The following ASCC1 variants were observed in gnomAD, a reference collection of about 807,000 sequenced individuals.
ASCC1 encodes the protein ASC-1 complex subunit P50.
A neutral mutation model predicts 46.6 loss-of-function variants in ASCC1; 35 were observed. The observed-to-expected ratio is 0.75, with a 90% CI of 0.57 to 0.99. The LOEUF is 0.99. ASCC1 is among the 50% of genes least tolerant of loss of function. The probability of loss-of-function intolerance (pLI) is 0.00; values close to 1 mark genes in which losing one functional copy is unlikely to be tolerated. For missense variants in ASCC1, 376 were observed against 428.7 expected, an observed-to-expected ratio of 0.88 and a Z score of 1.09; for synonymous variants, 143 against 146.6, an observed-to-expected ratio of 0.98 and a Z score of 0.18.
intron 9 of ASCC1, among the ~76,000 whole-genome samples, chr10:72,100,511 G>A (rs1841627438): frequency 6.6e-6 from 1 of 152,134 alleles, no homozygotes. Flanking sequence ...ACAGGCATGA[G>A]CCACCATGCC....
At chr10:72,153,134 T>A in intron 6 of ASCC1, 146 bp from the exon 7 acceptor site, 3 of 1,020,390 alleles carry the variant, frequency 2.9e-6, no homozygotes, top group Non-Finnish European at 4.3e-6. Context: ...TTCCTAACAT[T>A]ATCTAATTGC....
intron 9 of ASCC1, among the ~76,000 whole-genome samples, chr10:72,121,016 T>C (rs994423094): frequency 1.3e-5 from 2 of 152,170 alleles, no homozygotes; most frequent in Non-Finnish European, 2.9e-5. Context: ...TTAATCCAAC[T>C]ATATTAATCA....
intron 9 of ASCC1, among the ~76,000 whole-genome samples, chr10:72,114,684 T>C (rs2132059990): frequency 6.6e-6 from 1 of 151,452 alleles, no homozygotes; most frequent in East Asian, 1.9e-4. Context: ...TAAACAGAAA[T>C]TCAATAGGAT....
At chr10:72,105,242 G>A (rs1409340774) in intron 9 of ASCC1, among the ~76,000 whole-genome samples, 7 of 152,174 alleles carry the variant, frequency 4.6e-5, no homozygotes. Context: ...CTGATCACAC[G>A]CTGCTGTCCA....
intron 5 of ASCC1, among the ~76,000 whole-genome samples, chr10:72,196,279 CT>C (rs573100323): frequency 0.022 from 2,978 of 136,254 alleles, 18 homozygotes; most frequent in Non-Finnish European, 0.027. Context: ...TGTCTTAAAT[CT>C]TTTTTTTTTT....
chr10:72,164,383 A>T (rs554188048), intron 5 of ASCC1, among the ~76,000 whole-genome samples: 1 of 152,358 alleles, frequency 6.6e-6, no homozygotes, highest in South Asian at 2.1e-4. Flanking sequence ...AGAAAGGATC[A>T]TACAATATAA....
chr10:72,182,958 T>C (rs1784791646), intron 5 of ASCC1, among the ~76,000 whole-genome samples: 1 of 151,938 alleles, frequency 6.6e-6, no homozygotes. Context: ...GGTATATTCC[T>C]TATACTATCT....
intron 1 of ASCC1, among the ~76,000 whole-genome samples, chr10:72,214,590 TG>T (rs1858788350): frequency 6.6e-6 from 1 of 152,084 alleles, no homozygotes; most frequent in Non-Finnish European, 1.5e-5. Flanking sequence ...TTGGCCAGGC[TG>T]GTCTGGAACT....
intron 4 of ASCC1, among the ~76,000 whole-genome samples, chr10:72,198,951 G>T (rs1380374329): frequency 1.3e-5 from 2 of 150,916 alleles, no homozygotes; most frequent in Non-Finnish European, 2.9e-5. Flanking sequence ...TGAGTAGCTG[G>T]GATTACAGGC....
intron 3 of ASCC1, among the ~76,000 whole-genome samples, chr10:72,207,315 G>A (rs1024829736): frequency 9.2e-5 from 14 of 152,176 alleles, no homozygotes; most frequent in African/African-American, 2.7e-4. Context: ...TCGGGAGGCC[G>A]AAGCAGGAGA....
At chr10:72,105,984 A>C (rs7072673) in intron 9 of ASCC1, among the ~76,000 whole-genome samples, 85,324 of 151,948 alleles carry the variant, frequency 0.56, 26,100 homozygotes, top group African/African-American at 0.81. Flanking sequence ...AGAACCGAAT[A>C]AATGGCCAGT....
intron 5 of ASCC1, among the ~76,000 whole-genome samples, chr10:72,195,599 C>T (rs978872161): frequency 6.6e-6 from 1 of 150,532 alleles, no homozygotes; most frequent in African/African-American, 2.5e-5. Context: ...TCTTCTTCCC[C>T]AGGCCGGCAT....
chr10:72,150,406 C>T (rs1029716337), intron 7 of ASCC1, among the ~76,000 whole-genome samples: 6 of 152,150 alleles, frequency 3.9e-5, no homozygotes, highest in African/African-American at 1.4e-4. Context: ...CAGATTTTCT[C>T]TAGAAGGTTT....
intron 9 of ASCC1, among the ~76,000 whole-genome samples, chr10:72,110,851 A>C (rs550793633): frequency 8.5e-5 from 13 of 152,346 alleles, no homozygotes; most frequent in African/African-American, 3.1e-4. Context: ...ATGCATATAA[A>C]TAACAGCTAT....
At position 72,119,678 on chromosome 10, in the gene ASCC1, G is replaced by A. The variant is rs115927328; in HGVS notation, c.957+8404C>T. 8.7e-3 allele frequency among the ~76,000 whole-genome samples: 1,320 copies of A among 151,232 alleles called. 25 individuals are homozygous for A. The highest frequency in any genetic ancestry group is 0.031 in the African/African-American group (1,254 of 41,054). On this transcript the variant is annotated intron_variant, in intron 9 of 9. Coordinates refer to ENST00000672957, the MANE Select transcript of ASCC1 (RefSeq NM_001198800.3). ...ATGTCCCTTTCACCCAGTACATCAC[G>A]TCCAGATTCAACAAAAAATTACTAC...
At chr10:72,139,234 C>T (rs1171288039) in intron 7 of ASCC1, among the ~76,000 whole-genome samples, 1 of 151,692 alleles carries the variant, frequency 6.6e-6, no homozygotes, top group Non-Finnish European at 1.5e-5. Flanking sequence ...CTGCCTCAGC[C>T]TCCCGAGCAG....
intron 8 of ASCC1, among the ~76,000 whole-genome samples, chr10:72,130,071 T>C (rs1032004890): frequency 8.0e-5 from 11 of 137,304 alleles, no homozygotes; most frequent in Admixed American, 2.9e-4. Context: ...GCCTTGAAAA[T>C]ATTATGCTAA....
intron 5 of ASCC1, among the ~76,000 whole-genome samples, chr10:72,178,792 G>A (rs1852185165): frequency 6.6e-6 from 1 of 151,970 alleles, no homozygotes; most frequent in East Asian, 1.9e-4. Flanking sequence ...CATAAGGTAG[G>A]GTAAACTATA....
chr10:72,142,690 C>T (rs1261270031), intron 7 of ASCC1, among the ~76,000 whole-genome samples: 2 of 152,020 alleles, frequency 1.3e-5, no homozygotes, highest in Non-Finnish European at 2.9e-5. Context: ...CTTGCATCCA[C>T]GTGATTCTCA....
Sources: gnomAD v4.1 joint callset for allele counts (sites outside exome capture counted in the v4.1 genomes callset) on GRCh38, gnomAD v4.1.1 for gene constraint, MANE v1.5 for transcripts, NCBI Gene and HGNC (gene_info 2026-07-23, HGNC 2026-07-21) for gene names.